The following CTNND2 variants were observed in gnomAD, a reference collection of about 807,000 sequenced individuals.
CTNND2 encodes catenin delta 2, also known as catenin delta-2.
In CTNND2, 22 loss-of-function variants were observed where a neutral mutation model predicts 144.4. That is an observed-to-expected ratio of 0.15 (90% CI 0.11 to 0.22). The LOEUF is 0.22. Among genes scored for constraint, CTNND2 ranks in the 10% least tolerant of loss-of-function variants. The probability of loss-of-function intolerance (pLI) is 1.00; values close to 1 mark genes in which losing one functional copy is unlikely to be tolerated. For synonymous variants in CTNND2, 751 were observed against 695.6 expected, an observed-to-expected ratio of 1.08 and a Z score of -1.25; for missense variants, 1,353 against 1,618.8, an observed-to-expected ratio of 0.84 and a Z score of 2.82.
chr5:11,802,567 C>CAA (rs201689886), intron 1 of CTNND2, among the ~76,000 whole-genome samples: 20 of 127,440 alleles, frequency 1.6e-4, no homozygotes, highest in African/African-American at 3.5e-4. Context: ...AACTCCATCT[C>CAA]AAAAAAAAAA....
At chr5:11,779,822 C>G (rs1469302530) in intron 1 of CTNND2, among the ~76,000 whole-genome samples, 1 of 152,138 alleles carries the variant, frequency 6.6e-6, no homozygotes, top group Non-Finnish European at 1.5e-5. Context: ...GTCACTGAAA[C>G]AGTATCATTT....
chr5:11,429,533 T>C (rs1284117269), intron 3 of CTNND2, among the ~76,000 whole-genome samples: 1 of 152,166 alleles, frequency 6.6e-6, no homozygotes, highest in Non-Finnish European at 1.5e-5. Context: ...CATTTTTAAT[T>C]TGTTGATTTA....
intron 2 of CTNND2, among the ~76,000 whole-genome samples, chr5:11,576,368 T>A (rs1252471265): frequency 6.6e-6 from 1 of 150,902 alleles, no homozygotes; most frequent in Non-Finnish European, 1.5e-5. Flanking sequence ...ATTAATCATA[T>A]AAAATATAGT....
At chr5:11,770,553 T>C (rs1218226596) in intron 1 of CTNND2, among the ~76,000 whole-genome samples, 1 of 152,108 alleles carries the variant, frequency 6.6e-6, no homozygotes, top group Non-Finnish European at 1.5e-5. Context: ...TTCAGGAACC[T>C]ACTCATGCCT....
chr5:11,642,042 T>G (rs1443801293), intron 2 of CTNND2, among the ~76,000 whole-genome samples: 1 of 152,138 alleles, frequency 6.6e-6, no homozygotes, highest in Non-Finnish European at 1.5e-5. Context: ...AATATTACAT[T>G]GCATGAGCTT....
At position 11,543,487 on chromosome 5, in the gene CTNND2, T is replaced by C. The variant is rs111468387; in HGVS notation, c.287+21457A>G. On this transcript the variant is annotated intron_variant, in intron 3 of 21. Transcript: ENST00000304623. Reference sequence around the variant, plus strand: ...TTTCTTGTTGTCTTGTTTAGTTTTATTGCATTTTACACACTCATTGATAAT... The same window carrying C: ...TTTCTTGTTGTCTTGTTTAGTTTTACTGCATTTTACACACTCATTGATAAT... Among the ~76,000 whole-genome samples the C allele has an allele frequency of 7.0e-3, 1,072 of 152,320 alleles. 9 individuals are homozygous for C. The highest frequency in any genetic ancestry group is 9.5e-3 in the Non-Finnish European group (646 of 68,020).
intron 2 of CTNND2, among the ~76,000 whole-genome samples, chr5:11,575,080 C>G (rs1777874247): frequency 1.3e-5 from 2 of 152,184 alleles, no homozygotes; most frequent in Admixed American, 1.3e-4. Flanking sequence ...TGACCTCACC[C>G]TCAATCTCAG....
intron 1 of CTNND2, among the ~76,000 whole-genome samples, chr5:11,883,052 TG>T (rs1236951294): frequency 3.3e-5 from 5 of 152,264 alleles, no homozygotes; most frequent in African/African-American, 4.8e-5. Flanking sequence ...TTCCTAAGAT[TG>T]GGGGGTTTGG....
At chr5:11,158,986 T>C (rs760414656) in intron 12 of CTNND2, among the ~76,000 whole-genome samples, 5 of 152,202 alleles carry the variant, frequency 3.3e-5, no homozygotes, top group Non-Finnish European at 7.4e-5. Context: ...GAAATCTCAA[T>C]AGATTCCTGA....
At position 11,894,825 on chromosome 5, in the gene CTNND2, G is replaced by A. The variant is rs561041534; in HGVS notation, c.37+8992C>T. 5.9e-5 allele frequency among the ~76,000 whole-genome samples: 9 copies of A among 152,312 alleles called. No individual in the cohort carries two copies. The South Asian group carries it at 1.7e-3, about 28-fold the overall frequency. Reference sequence around the variant, plus strand: ...AGTGGTCCCTCCAGGGTGCTGCAGTGTCTGTACCCAAAACCAACCCAAAGC... The same window carrying A: ...AGTGGTCCCTCCAGGGTGCTGCAGTATCTGTACCCAAAACCAACCCAAAGC... On this transcript the variant is annotated intron_variant, in intron 1 of 21. Coordinates refer to ENST00000304623, the MANE Select transcript of CTNND2 (RefSeq NM_001332.4).
intron 2 of CTNND2, among the ~76,000 whole-genome samples, chr5:11,587,449 GC>G (rs1169293729): frequency 6.6e-6 from 1 of 151,668 alleles, no homozygotes; most frequent in Non-Finnish European, 1.5e-5. Context: ...TATAATAAGG[GC>G]CTTTCTTCCT....
chr5:11,144,521 G>T (rs1409015046), intron 12 of CTNND2, among the ~76,000 whole-genome samples: 1 of 152,094 alleles, frequency 6.6e-6, no homozygotes, highest in Non-Finnish European at 1.5e-5. Context: ...TGTCTCCTGG[G>T]GCACAAAGGG....
chr5:11,142,837 C>A (rs1561375361), intron 12 of CTNND2, among the ~76,000 whole-genome samples: 1 of 152,184 alleles, frequency 6.6e-6, no homozygotes, highest in African/African-American at 2.4e-5. Context: ...TGGTCTCGAT[C>A]TCCTGACCTC....
At chr5:11,204,973 G>A (rs1737890682) in intron 10 of CTNND2, among the ~76,000 whole-genome samples, 1 of 152,166 alleles carries the variant, frequency 6.6e-6, no homozygotes, top group Admixed American at 6.5e-5. Context: ...AAAGGTTGGA[G>A]TAGCTTTTGT....
At chr5:11,352,230 A>T (rs184648901) in intron 8 of CTNND2, among the ~76,000 whole-genome samples, 1 of 152,332 alleles carries the variant, frequency 6.6e-6, no homozygotes, top group Non-Finnish European at 1.5e-5. Context: ...ATTGGAAAAG[A>T]AGACATTGAA....
At chr5:11,629,784 C>T (rs1781328521) in intron 2 of CTNND2, among the ~76,000 whole-genome samples, 1 of 152,092 alleles carries the variant, frequency 6.6e-6, no homozygotes, top group Non-Finnish European at 1.5e-5. Flanking sequence ...AATCCTCCCA[C>T]CTCAGCCTCC....
At chr5:11,185,133 G>A (rs1386174074) in intron 11 of CTNND2, among the ~76,000 whole-genome samples, 1 of 152,110 alleles carries the variant, frequency 6.6e-6, no homozygotes, top group African/African-American at 2.4e-5. Context: ...CCCATTACCT[G>A]CACGCCAAAC....
At chr5:11,629,256 G>C (rs2126460425) in intron 2 of CTNND2, among the ~76,000 whole-genome samples, 1 of 148,998 alleles carries the variant, frequency 6.7e-6, no homozygotes, top group South Asian at 2.1e-4. Context: ...ACCCGGAAAA[G>C]TTAAACAACA....
chr5:11,167,456 C>A (rs1759451650), intron 11 of CTNND2, among the ~76,000 whole-genome samples: 1 of 152,158 alleles, frequency 6.6e-6, no homozygotes, highest in South Asian at 2.1e-4. Context: ...GCATACAAGG[C>A]AAATTCTGGC....
Sources: allele counts gnomAD v4.1 joint callset (sites outside exome capture counted in the v4.1 genomes callset), GRCh38; gene constraint gnomAD v4.1.1; transcripts MANE v1.5; gene names NCBI Gene and HGNC (gene_info 2026-07-23, HGNC 2026-07-21).